Variants in KCTD16 observed in about 807,000 individuals in gnomAD.
KCTD16 encodes potassium channel tetramerization domain containing 16, also known as BTB/POZ domain-containing protein KCTD16.
A neutral mutation model predicts 33.2 loss-of-function variants in KCTD16; 13 were observed. The ratio of observed to expected loss-of-function variants is 0.39; its 90% CI spans 0.25 to 0.62. The LOEUF is 0.62. Ranked by LOEUF, KCTD16 falls within the 20% of genes least tolerant of loss-of-function variation. KCTD16 has a pLI of 0.50. For synonymous variants in KCTD16, 197 were observed against 195.3 expected, an observed-to-expected ratio of 1.01 and a Z score of -0.07; for missense variants, 441 against 525.1, an observed-to-expected ratio of 0.84 and a Z score of 1.57.
In KCTD16 at chr5:144,207,060, CCAG is replaced by C; in HGVS notation, c.347_349del (p.Pro116_Asp117delinsHis). The C allele has an allele frequency of 6.2e-7, 1 of 1,613,860 alleles. No homozygotes were observed. The highest frequency in any genetic ancestry group is 1.1e-5 in the South Asian group (1 of 91,002). ...AAGGGAAGCTGAATACTTCCAGCTC[CCAG>C]ACTTGGTCAAACTCCTGACCCCCGA... On this transcript the variant is annotated inframe_deletion, in exon 3 of 4. Coordinates refer to ENST00000512467, the MANE Select transcript of KCTD16 (RefSeq NM_020768.4).
intron 3 of KCTD16, among the ~76,000 whole-genome samples, chr5:144,264,419 A>G (rs1026151944): frequency 6.6e-6 from 1 of 152,214 alleles, no homozygotes; most frequent in African/African-American, 2.4e-5. Context: ...TTGGATTTAC[A>G]TAAAATACAT....
chr5:144,388,545 A>G (rs1752382242), intron 3 of KCTD16, among the ~76,000 whole-genome samples: 1 of 152,212 alleles, frequency 6.6e-6, no homozygotes, highest in Non-Finnish European at 1.5e-5. Flanking sequence ...ACCATGGGAT[A>G]TGAATCAATC....
chr5:144,220,694 C>A (rs1753719272), intron 3 of KCTD16, among the ~76,000 whole-genome samples: 1 of 152,142 alleles, frequency 6.6e-6, no homozygotes, highest in Non-Finnish European at 1.5e-5. Context: ...GTAATCCCAG[C>A]ACTTTGGGAG....
intron 3 of KCTD16, among the ~76,000 whole-genome samples, chr5:144,252,582 T>C (rs1439809454): frequency 6.6e-6 from 1 of 151,936 alleles, no homozygotes; most frequent in African/African-American, 2.4e-5. Flanking sequence ...AGGGTGACAA[T>C]TGGCATCTGC....
chr5:144,243,979 A>G (rs543577680), intron 3 of KCTD16, among the ~76,000 whole-genome samples: 1 of 152,166 alleles, frequency 6.6e-6, no homozygotes, highest in Admixed American at 6.5e-5. Flanking sequence ...TCCTGACTTC[A>G]TGATCTACCT....
chr5:144,205,560 T>C (rs2126788416), intron 2 of KCTD16: 2 of 398,800 alleles, frequency 5.0e-6, no homozygotes, highest in South Asian at 2.5e-4. Context: ...GTGGGGTGGC[T>C]ACCTGGGACC....
intron 3 of KCTD16, among the ~76,000 whole-genome samples, chr5:144,404,406 C>G (rs1051241027): frequency 5.3e-5 from 8 of 152,038 alleles, no homozygotes; most frequent in Admixed American, 2.6e-4. Flanking sequence ...CTTGACTAGC[C>G]TTCGTATTCA....
intron 3 of KCTD16, among the ~76,000 whole-genome samples, chr5:144,454,428 C>G (rs1042008982): frequency 6.6e-6 from 1 of 152,062 alleles, no homozygotes; most frequent in African/African-American, 2.4e-5. Flanking sequence ...ATTTTCCACC[C>G]CTGATAATAT....
intron 3 of KCTD16, among the ~76,000 whole-genome samples, chr5:144,459,770 T>C (rs183417261): frequency 7.7e-4 from 117 of 151,556 alleles, no homozygotes; most frequent in Non-Finnish European, 1.4e-3. Context: ...AACTCCTAAC[T>C]GTAGCCTCTG....
At chr5:144,310,113 A>G (rs1561562420) in intron 3 of KCTD16, among the ~76,000 whole-genome samples, 1 of 151,906 alleles carries the variant, frequency 6.6e-6, no homozygotes, top group Non-Finnish European at 1.5e-5. Context: ...CATAAGATCC[A>G]CTTTTTTAGC....
At position 144,171,007 on chromosome 5, in the gene KCTD16, T is replaced by C. The variant is rs1264461585; in HGVS notation, c.-495T>C. On this transcript the variant is annotated splice_region_variant and 5_prime_UTR_variant, in exon 1 of 4. Transcript: ENST00000512467. ...GTGATTCAAGCACTGTGCTAAAGTG[T>C]TTGTATGTATTATTTAATCTTTACA... 1 of 152,174 alleles carries C rather than the reference T, an allele frequency of 6.6e-6. No homozygotes were observed. Among genetic ancestry groups the C allele is most frequent in the Non-Finnish European group, 1.5e-5 (1 of 68,008 alleles). The allele number at this position is 152,174 out of a possible 1,614,324, so 9.4% of individuals were successfully genotyped here. A position where few individuals can be genotyped will look rare whatever the true frequency, so the allele number is the denominator to read the frequency against.
chr5:144,239,904 A>G (rs1253085622), intron 3 of KCTD16, among the ~76,000 whole-genome samples: 1 of 152,150 alleles, frequency 6.6e-6, no homozygotes, highest in Non-Finnish European at 1.5e-5. Context: ...AGAGGAAATG[A>G]ATGAATTTTG....
chr5:144,376,301 G>T (rs1752092190), intron 3 of KCTD16, among the ~76,000 whole-genome samples: 1 of 151,812 alleles, frequency 6.6e-6, no homozygotes. Flanking sequence ...ATTTATGAAA[G>T]GTATAGTCTT....
At chr5:144,234,820 A>G (rs1238885772) in intron 3 of KCTD16, among the ~76,000 whole-genome samples, 1 of 152,008 alleles carries the variant, frequency 6.6e-6, no homozygotes, top group East Asian at 1.9e-4. Context: ...ATATGTATAT[A>G]TGTGTGTGTG....
At position 144,251,423 on chromosome 5, in the gene KCTD16, A is replaced by G. The variant is rs147543047; in HGVS notation, c.832+43877A>G. ...TTTTGAGCATTATGAGATATTACAT[A>G]TTCATTAGTAGCTGAAAGCTTGGCA... On this transcript the variant is annotated intron_variant, in intron 3 of 3. Coordinates refer to ENST00000512467, the MANE Select transcript of KCTD16 (RefSeq NM_020768.4). Among the ~76,000 whole-genome samples the G allele has an allele frequency of 1.8e-4, 27 of 152,320 alleles. No individual in the cohort carries two copies. In the East Asian group the frequency reaches 4.2e-3, roughly 24 times the overall value.
At chr5:144,439,189 T>C (rs964036482) in intron 3 of KCTD16, 24 of 183,900 alleles carry the variant, frequency 1.3e-4, no homozygotes, top group African/African-American at 5.2e-4. Flanking sequence ...GGCTGAAAGC[T>C]TGCAGACACA....
At chr5:144,390,839 C>T (rs1373847009) in intron 3 of KCTD16, among the ~76,000 whole-genome samples, 1 of 152,236 alleles carries the variant, frequency 6.6e-6, no homozygotes, top group East Asian at 1.9e-4. Flanking sequence ...ATCCATGTTC[C>T]TGCAAAGGAC....
intron 3 of KCTD16, among the ~76,000 whole-genome samples, chr5:144,394,473 C>A (rs554449808): frequency 3.3e-5 from 5 of 152,310 alleles, no homozygotes; most frequent in Admixed American, 2.6e-4. Context: ...TCTCTGAAAA[C>A]TGAACTGGAC....
rs1349899932 is a variant in KCTD16 at position 144,474,021 on chromosome 5, T to C, written c.1194T>C (p.Cys398=). 3.1e-6 allele frequency: 5 copies of C among 1,613,978 alleles called. No individual in the cohort carries two copies. Among genetic ancestry groups the C allele is most frequent in the Non-Finnish European group, 4.2e-6 (5 of 1,179,974 alleles). Residue 398 remains cysteine, a synonymous_variant, in exon 4 of 4, where the codon TGT becomes TGC. Transcript: ENST00000512467. ...KLSIEEELEK[C]IQDFLKIKIP... is the part of the protein sequence containing the mutation. ...CAATTGAGGAGGAGCTGGAGAAATGTATCCAGGATTTCCTAAAAATCAAAA... is the reference window on the plus strand; with the variant it reads ...CAATTGAGGAGGAGCTGGAGAAATGCATCCAGGATTTCCTAAAAATCAAAA...
Sources: allele counts gnomAD v4.1 joint callset (sites outside exome capture counted in the v4.1 genomes callset), GRCh38; gene constraint gnomAD v4.1.1; transcripts MANE v1.5; gene names NCBI Gene and HGNC (gene_info 2026-07-23, HGNC 2026-07-21).